Variants in CREB3L2 observed in about 807,000 individuals in gnomAD.
CREB3L2 encodes cAMP responsive element binding protein 3 like 2.
In CREB3L2, 23 loss-of-function variants were observed where a neutral mutation model predicts 57.2. The ratio of observed to expected loss-of-function variants is 0.40; its 90% confidence interval spans 0.29 to 0.57. CREB3L2 has a LOEUF of 0.57. Among genes scored for constraint, CREB3L2 ranks in the 20% least tolerant of loss-of-function variants. The probability of loss-of-function intolerance (pLI) is 0.42; values close to 1 mark genes in which losing one functional copy is unlikely to be tolerated. For missense variants in CREB3L2, 628 were observed against 634.7 expected (o/e 0.99, Z 0.11); for synonymous variants, 268 against 265.1 (o/e 1.01, Z -0.11).
chr7:137,976,995 G>C (rs754484863), intron 1 of CREB3L2, among the ~76,000 whole-genome samples: 1 of 152,226 alleles, frequency 6.6e-6, no homozygotes, highest in Non-Finnish European at 1.5e-5. Context: ...CAAGGAATGG[G>C]TTGGGAGGTG....
chr7:137,993,623 G>A (rs1005218308), intron 1 of CREB3L2, among the ~76,000 whole-genome samples: 9 of 152,130 alleles, frequency 5.9e-5, no homozygotes, highest in Non-Finnish European at 8.8e-5. Flanking sequence ...GGGCTCAAGC[G>A]ATCCTCCTGC....
intron 1 of CREB3L2, among the ~76,000 whole-genome samples, chr7:137,958,976 T>C (rs7808800): frequency 0.15 from 22,439 of 152,230 alleles, 4,180 homozygotes; most frequent in African/African-American, 0.44. Flanking sequence ...TGCCGAGTCA[T>C]TTTTAAAGAG....
At chr7:137,920,152 C>T (rs937779575) in intron 2 of CREB3L2, among the ~76,000 whole-genome samples, 3 of 152,212 alleles carry the variant, frequency 2.0e-5, no homozygotes, top group Admixed American at 6.5e-5. Context: ...CCATCCATGT[C>T]TTTTGCCTTA....
At chr7:137,898,047 G>A (rs1799664063) in intron 8 of CREB3L2, among the ~76,000 whole-genome samples, 1 of 151,966 alleles carries the variant, frequency 6.6e-6, no homozygotes, top group Admixed American at 6.6e-5. Flanking sequence ...AAACATATGA[G>A]GAACTCATAC....
Position 137,879,107 on chromosome 7 carries a change from C to A in CREB3L2, c.*1369G>T. On this transcript the variant is annotated 3_prime_UTR_variant, in exon 12 of 12. Coordinates refer to ENST00000330387, the MANE Select transcript of CREB3L2 (RefSeq NM_194071.4). The stretch of plus-strand genomic sequence containing the variant: ...CATTACACAATAAAAAGGCAATTTC[C>A]ACTTCTTATTTATATGAAAGAGGAA... 2.0e-6 allele frequency: 1 copy of A among 490,394 alleles called. No individual in the cohort carries two copies. The highest frequency in any genetic ancestry group is 3.8e-6 in the Non-Finnish European group (1 of 260,712). 30.4% of individuals were successfully genotyped at this position (490,394 alleles called of 1,614,324 possible).
At chr7:137,941,936 T>C (rs1474938854) in intron 1 of CREB3L2, among the ~76,000 whole-genome samples, 1 of 152,234 alleles carries the variant, frequency 6.6e-6, no homozygotes, top group Non-Finnish European at 1.5e-5. Context: ...AAACATCATT[T>C]TTCTTTAGTG....
intron 8 of CREB3L2, among the ~76,000 whole-genome samples, chr7:137,900,824 A>G (rs1199721730): frequency 6.6e-6 from 1 of 151,924 alleles, no homozygotes; most frequent in East Asian, 1.9e-4. Flanking sequence ...AAAAAAAAAT[A>G]CCAATGATTT....
At chr7:137,901,520 T>G in intron 7 of CREB3L2, 98 bp from the exon 8 acceptor site, 1 of 680,744 alleles carries the variant, frequency 1.5e-6, no homozygotes, top group Non-Finnish European at 2.6e-6. Context: ...AAAGGAGGGT[T>G]GGGGGGATCT....
At chr7:137,887,341 A>C (rs1382959726) in intron 8 of CREB3L2, among the ~76,000 whole-genome samples, 1 of 152,258 alleles carries the variant, frequency 6.6e-6, no homozygotes, top group East Asian at 1.9e-4. Flanking sequence ...TGCTTTCAGC[A>C]GTTTAAATGG....
intron 5 of CREB3L2, among the ~76,000 whole-genome samples, chr7:137,907,622 A>C (rs1180388580): frequency 6.6e-6 from 1 of 152,248 alleles, no homozygotes; most frequent in East Asian, 1.9e-4. Context: ...AATTCAAAAT[A>C]GCTGATTATA....
chr7:137,908,733 G>A (rs1037550589), intron 4 of CREB3L2, among the ~76,000 whole-genome samples: 1 of 152,160 alleles, frequency 6.6e-6, no homozygotes, highest in Non-Finnish European at 1.5e-5. Flanking sequence ...CAGCACTTTG[G>A]GAGGCTGAGG....
At chr7:137,921,472 A>G (rs1800272994) in intron 2 of CREB3L2, among the ~76,000 whole-genome samples, 1 of 152,266 alleles carries the variant, frequency 6.6e-6, no homozygotes, top group African/African-American at 2.4e-5. Context: ...AAGTTATCAA[A>G]TCATCAAGAT....
intron 1 of CREB3L2, among the ~76,000 whole-genome samples, chr7:137,965,904 C>T (rs1801399892): frequency 6.6e-6 from 1 of 152,220 alleles, no homozygotes; most frequent in Non-Finnish European, 1.5e-5. Flanking sequence ...GTATCACAAT[C>T]ACCTGGAGAG....
chr7:137,999,196 T>A (rs1170302053), intron 1 of CREB3L2, among the ~76,000 whole-genome samples: 1 of 152,170 alleles, frequency 6.6e-6, no homozygotes, highest in African/African-American at 2.4e-5. Flanking sequence ...CTCCTTCCAA[T>A]TTTTGTTCAG....
Sources: allele counts gnomAD v4.1 joint callset (sites outside exome capture counted in the v4.1 genomes callset), GRCh38; gene constraint gnomAD v4.1.1; transcripts MANE v1.5; gene names NCBI Gene and HGNC (gene_info 2026-07-23, HGNC 2026-07-21).